SH3BGR: variants seen among roughly 807,000 people sequenced by gnomAD.
The protein encoded by SH3BGR is SH3 domain-binding glutamic acid-rich protein.
A neutral mutation model predicts 24.5 loss-of-function variants in SH3BGR; 29 were observed. The ratio of observed to expected loss-of-function variants is 1.18; its 90% CI spans 0.88 to 1.61. The LOEUF is 1.61. SH3BGR is among the 40% of genes most tolerant of loss of function. SH3BGR has a pLI of 0.00. For synonymous variants in SH3BGR, 55 were observed against 65.7 expected (o/e 0.84, Z 0.79); for missense variants, 162 against 205.8 (o/e 0.79, Z 1.30).
In SH3BGR at chr21:39,509,028, G is replaced by A; in HGVS notation, c.435+1G>A. Reference sequence around the variant, plus strand: ...AGAAGGAGAGACAGCCACAGAAGAGGTACGGTCGACCATCTTTAACAGCTG... The same window carrying A: ...AGAAGGAGAGACAGCCACAGAAGAGATACGGTCGACCATCTTTAACAGCTG... On this transcript the variant is annotated splice_donor_variant, in intron 5 of 6. Coordinates refer to ENST00000333634, the MANE Select transcript of SH3BGR (RefSeq NM_007341.3). LOFTEE classifies it high-confidence loss of function. 6.2e-7 allele frequency: 1 copy of A among 1,608,532 alleles called. No individual in the cohort carries two copies. Among genetic ancestry groups the A allele is most frequent in the Non-Finnish European group, 8.5e-7 (1 of 1,176,814 alleles).
At chr21:39,491,989 G>A (rs2078306698) in intron 3 of SH3BGR, 1 of 152,420 alleles carries the variant, frequency 6.6e-6, no homozygotes, top group East Asian at 1.9e-4. Flanking sequence ...ATGTGTTTTA[G>A]ACTTCCTTTT....
At chr21:39,485,099 T>C (rs2078188450) in intron 3 of SH3BGR, among the ~76,000 whole-genome samples, 2 of 152,224 alleles carry the variant, frequency 1.3e-5, no homozygotes, top group African/African-American at 2.4e-5. Context: ...GAGGGCTTTG[T>C]AAGTAAGCAT....
At chr21:39,499,260 G>C (rs13049203) in intron 3 of SH3BGR, among the ~76,000 whole-genome samples, 1 of 151,516 alleles carries the variant, frequency 6.6e-6, no homozygotes, top group Non-Finnish European at 1.5e-5. Context: ...TCTATCATCT[G>C]TCTATCTGTC....
At chr21:39,468,235 T>C (rs1045795579) in intron 2 of SH3BGR, among the ~76,000 whole-genome samples, 1 of 152,182 alleles carries the variant, frequency 6.6e-6, no homozygotes, top group Non-Finnish European at 1.5e-5. Context: ...AACATATCGA[T>C]GTTACTGAAC....
chr21:39,512,651 G>C (rs1370242027), intron 6 of SH3BGR, among the ~76,000 whole-genome samples: 2 of 152,140 alleles, frequency 1.3e-5, no homozygotes, highest in Non-Finnish European at 1.5e-5. Flanking sequence ...CATTAGCCGG[G>C]TGGGGTGGCT....
upstream of SH3BGR, chr21:39,447,041 T>G (rs1405760377): frequency 6.6e-6 from 1 of 152,072 alleles, no homozygotes; most frequent in Non-Finnish European, 1.5e-5. Context: ...CACCCTGAGT[T>G]TTGGTGGGCC....
chr21:39,511,749 G>GA lies in SH3BGR; in HGVS notation c.506dup (p.Pro170AlafsTer25). 3.7e-6 allele frequency: 6 copies of GA among 1,606,780 alleles called. No homozygotes were observed. The highest frequency in any genetic ancestry group is 4.3e-6 in the Non-Finnish European group (5 of 1,173,966). ...GGAGGAAGAAACTGCAGAAGGAGAA[G>GA]AGCCTGGAGAAGACGAAGATTCCTA... On this transcript the variant is annotated frameshift_variant, in exon 6 of 7. Coordinates refer to ENST00000333634, the MANE Select transcript of SH3BGR (RefSeq NM_007341.3). LOFTEE classifies it high-confidence loss of function. This position sits in a 1 kb window ranked among gnomAD's most constrained non-coding sequence, Gnocchi z 4.2.
intron 3 of SH3BGR, among the ~76,000 whole-genome samples, chr21:39,486,940 A>G (rs2078221611): frequency 6.6e-6 from 1 of 151,254 alleles, no homozygotes; most frequent in South Asian, 2.1e-4. Context: ...CTGATCTTGA[A>G]CTCCTGACCT....
chr21:39,498,367 C>T (rs551003356), intron 3 of SH3BGR, among the ~76,000 whole-genome samples: 1 of 152,080 alleles, frequency 6.6e-6, no homozygotes, highest in Non-Finnish European at 1.5e-5. Flanking sequence ...AAGGCTGGGA[C>T]CCATTTTGTA....
At chr21:39,495,716 C>T (rs946839299) in intron 3 of SH3BGR, among the ~76,000 whole-genome samples, 3 of 152,116 alleles carry the variant, frequency 2.0e-5, no homozygotes, top group African/African-American at 7.2e-5. Context: ...CCCTTGGCCT[C>T]AAGTGATCCT....
upstream of SH3BGR, among the ~76,000 whole-genome samples, chr21:39,448,123 T>C (rs1569144518): frequency 6.6e-6 from 1 of 152,182 alleles, no homozygotes; most frequent in Non-Finnish European, 1.5e-5. Flanking sequence ...CTTGTCTTCT[T>C]ATAAGGACAA....
At chr21:39,500,274 A>C (rs186610764) in intron 4 of SH3BGR, among the ~76,000 whole-genome samples, 1 of 152,230 alleles carries the variant, frequency 6.6e-6, no homozygotes, top group East Asian at 1.9e-4. Flanking sequence ...ACACCCACCC[A>C]GGAGCCCTGC....
At chr21:39,502,384 T>C (rs1479629682) in intron 4 of SH3BGR, among the ~76,000 whole-genome samples, 1 of 152,210 alleles carries the variant, frequency 6.6e-6, no homozygotes, top group African/African-American at 2.4e-5. Context: ...TTCAAACTCC[T>C]GGCTCCGTTG....
At position 39,511,785 on chromosome 21, in the gene SH3BGR, T is replaced by C. The variant is rs79433162; in HGVS notation, c.*10T>C. On this transcript the variant is annotated 3_prime_UTR_variant, in exon 6 of 7. Transcript: ENST00000333634. The surrounding 1 kb of genome is among the most constrained non-coding windows in gnomAD (Gnocchi z 4.2). ...AGACGAAGATTCCTAGGCCTTTTCA[T>C]GCTTCATTTCTTCCACTTCTCCAGG... 0.058 allele frequency: 93,461 copies of C among 1,608,876 alleles called. 3,630 individuals are homozygous for C. Among genetic ancestry groups the C allele is most frequent in the African/African-American group, 0.17 (13,046 of 74,550 alleles).
rs1040173926 is a variant in SH3BGR at position 39,492,479 on chromosome 21, T to TATATAA, written c.313-7341_313-7340insTAAATA. On this transcript the variant is annotated intron_variant, in intron 3 of 6. Transcript: ENST00000333634. ...GTGTGTGTGTGTGTATATATATATA[T>TATATAA]ATACACACACACACACACACCACAT... 2.9e-3 allele frequency among the ~76,000 whole-genome samples: 197 copies of TATATAA among 67,810 alleles called. 2 individuals are homozygous for TATATAA. The highest frequency in any genetic ancestry group is 5.3e-3 in the African/African-American group (175 of 33,066). The allele number at this position is 67,810 out of a possible 152,430, so 44.5% of individuals were successfully genotyped here. A position where few individuals can be genotyped will look rare whatever the true frequency, so the allele number is the denominator to read the frequency against.
intron 1 of SH3BGR, among the ~76,000 whole-genome samples, chr21:39,459,801 C>A (rs1031320225): frequency 6.6e-6 from 1 of 151,964 alleles, no homozygotes; most frequent in Non-Finnish European, 1.5e-5. Flanking sequence ...CTCCTGGGCT[C>A]AAGTGATTCT....
chr21:39,506,037 T>C (rs2078577082), intron 4 of SH3BGR, among the ~76,000 whole-genome samples: 1 of 152,216 alleles, frequency 6.6e-6, no homozygotes, highest in Admixed American at 6.5e-5. Flanking sequence ...TTCTTTGAGA[T>C]CCAAAGAGTT....
Position 39,515,224 on chromosome 21 carries a change from A to G in SH3BGR, c.*171A>G. On this transcript the variant is annotated 3_prime_UTR_variant, in exon 7 of 7. Transcript: ENST00000333634. ...GACCTGGTTAGATGTACATGGAGGT[A>G]TCTCCCGAATCATACAAAATTAAAT... The G allele has an allele frequency of 2.4e-6, 1 of 411,706 alleles. No individual in the cohort carries two copies. Among genetic ancestry groups the G allele is most frequent in the South Asian group, 1.9e-5 (1 of 52,052 alleles). The allele number at this position is 411,706 out of a possible 1,614,324, so 25.5% of individuals were successfully genotyped here.
chr21:39,499,067 C>T (rs1187402658), intron 3 of SH3BGR, among the ~76,000 whole-genome samples: 3 of 152,154 alleles, frequency 2.0e-5, no homozygotes, highest in African/African-American at 7.2e-5. Flanking sequence ...ACCATTAGAT[C>T]TCGTGAGAAC....
Sources: allele counts gnomAD v4.1 joint callset (sites outside exome capture counted in the v4.1 genomes callset), GRCh38; gene constraint gnomAD v4.1.1; non-coding constraint Gnocchi (gnomAD v3.1); transcripts MANE v1.5; gene names NCBI Gene and HGNC (gene_info 2026-07-23, HGNC 2026-07-21).